COPE: variants seen among roughly 807,000 people sequenced by gnomAD.
COPE encodes coat protein complex I subunit epsilon.
In COPE, 19 loss-of-function variants were observed where a neutral mutation model predicts 42.1. The observed-to-expected ratio is 0.45, with a 90% confidence interval of 0.31 to 0.66. COPE has a LOEUF of 0.66. Among genes scored for constraint, COPE ranks in the 30% least tolerant of loss-of-function variants. COPE has a pLI of 0.05. For synonymous variants in COPE, 195 were observed against 181.3 expected (o/e 1.08, Z -0.60); for missense variants, 402 against 416.1 (o/e 0.97, Z 0.30).
At chr19:18,908,521 C>CTCTT (rs368392329) in intron 3 of COPE, among the ~76,000 whole-genome samples, 103,484 of 146,698 alleles carry the variant, frequency 0.71, 38,106 homozygotes, top group African/African-American at 0.9. Flanking sequence ...CCCCATCTCT[C>CTCTT]TTTTTTTTTT....
rs778116014 is a variant in COPE at position 18,905,612 on chromosome 19, T to C, written c.461A>G (p.Gln154Arg). The C allele has an allele frequency of 6.3e-7, 1 of 1,593,574 alleles. No homozygotes were observed. Among genetic ancestry groups the C allele is most frequent in the Non-Finnish European group, 8.5e-7 (1 of 1,177,680 alleles). The change falls in exon 5 of 10, where the codon CAG becomes CGG. Residue 154 changes from glutamine (Q) to arginine (R), a missense_variant. Physicochemically the swap from Gln to Arg is conservative, Grantham distance 43. Coordinates refer to ENST00000262812, the MANE Select transcript of COPE (RefSeq NM_007263.4). ...DSLECTAMTV[Q>R]ILLKLDRLDL... ...CAGGCGGTCCAGCTTCAGCAGGATC[T>C]GCACTGTCATGGCTGTGCTGCAGGA...
chr19:18,911,397 A>T (rs1279209938), intron 2 of COPE: 1 of 339,588 alleles, frequency 2.9e-6, no homozygotes, highest in Non-Finnish European at 5.7e-6. Flanking sequence ...AGCAGCAGTT[A>T]TGGGGGTTGT....
At chr19:18,909,320 C>T (rs1043694863) in intron 3 of COPE, among the ~76,000 whole-genome samples, 3 of 152,202 alleles carry the variant, frequency 2.0e-5, no homozygotes, top group Non-Finnish European at 2.9e-5. Context: ...AACAGGGATT[C>T]GTTCCTCACA....
intron 1 of COPE, among the ~76,000 whole-genome samples, chr19:18,918,791 A>C (rs558516784): frequency 3.9e-5 from 6 of 152,202 alleles, no homozygotes; most frequent in Non-Finnish European, 8.8e-5. Flanking sequence ...GTGCTCAATG[A>C]AGAATGAATG....
chr19:18,919,042 C>CT (rs1399590507), intron 1 of COPE, among the ~76,000 whole-genome samples, 181 bp downstream of exon 1: 1 of 152,274 alleles, frequency 6.6e-6, no homozygotes, highest in Non-Finnish European at 1.5e-5. Context: ...GTACCGTAAA[C>CT]TGTTACTGCT....
intron 2 of COPE, 55 bp downstream of exon 2, chr19:18,912,929 G>T (rs2056823378): frequency 1.3e-6 from 2 of 1,576,986 alleles, no homozygotes; most frequent in Non-Finnish European, 1.7e-6. Flanking sequence ...CCTGTCCCCA[G>T]CCCCACCCTC....
chr19:18,901,928 C>T (rs1000580467), intron 7 of COPE, among the ~76,000 whole-genome samples: 5 of 152,098 alleles, frequency 3.3e-5, no homozygotes, highest in African/African-American at 4.8e-5. Flanking sequence ...CGCCTGTAAT[C>T]CAGTACTTTG....
At chr19:18,900,505 T>C in intron 7 of COPE, 56 bp from the exon 8 acceptor site, 1 of 1,394,950 alleles carries the variant, frequency 7.2e-7, no homozygotes. Flanking sequence ...CCCCCATGCC[T>C]GCCCGTCACC....
chr19:18,905,451 C>T, intron 5 of COPE, 125 bp downstream of exon 5: 1 of 984,582 alleles, frequency 1.0e-6, no homozygotes, highest in Non-Finnish European at 1.4e-6. Context: ...CAGCAAGCCA[C>T]CCCCATGGAA....
At chr19:18,910,192 C>A (rs914606593) in intron 3 of COPE, among the ~76,000 whole-genome samples, 1 of 152,206 alleles carries the variant, frequency 6.6e-6, no homozygotes, top group Admixed American at 6.5e-5. Flanking sequence ...CCCCTCTCCC[C>A]TTGGCTGCCG....
intron 3 of COPE, among the ~76,000 whole-genome samples, chr19:18,907,718 C>T (rs2056773862): frequency 6.6e-6 from 1 of 152,260 alleles, no homozygotes; most frequent in African/African-American, 2.4e-5. Flanking sequence ...CCAGACCCTC[C>T]ATTCCCCATG....
chr19:18,911,255 C>T lies in COPE; in HGVS notation c.190-184G>A, dbSNP rs144441771. ...CATGGCGTCACCTGTCGTGAGCAGCCAGGTGTGCCCTCATCTGCAGGGCCA... is the reference window on the plus strand; with the variant it reads ...CATGGCGTCACCTGTCGTGAGCAGCTAGGTGTGCCCTCATCTGCAGGGCCA... On this transcript the variant is annotated intron_variant, in intron 2 of 9. Transcript: ENST00000262812. 539 of 607,270 alleles carry T rather than the reference C, an allele frequency of 8.9e-4. 2 individuals carry two copies. The highest frequency in any genetic ancestry group is 7.0e-3 in the Middle Eastern group (26 of 3,692). The allele number at this position is 607,270 out of a possible 1,614,324, so 37.6% of individuals were successfully genotyped here.
Position 18,910,955 on chromosome 19 carries a change from T to C in COPE, c.290+16A>G. 1 of 1,612,454 alleles carries C rather than the reference T, an allele frequency of 6.2e-7. No individual in the cohort carries two copies. Reference sequence around the variant, plus strand: ...TGGCCCCGCGCCTCAGGCCAACCCATTCTCTGGGGCCTCACCTCCGACTCT... The same window carrying C: ...TGGCCCCGCGCCTCAGGCCAACCCACTCTCTGGGGCCTCACCTCCGACTCT... On this transcript the variant is annotated intron_variant, in intron 3 of 9. Transcript: ENST00000262812.
At chr19:18,906,239 G>A (rs978485740) in intron 4 of COPE, 2 of 305,342 alleles carry the variant, frequency 6.6e-6, no homozygotes, top group Non-Finnish European at 1.2e-5. Flanking sequence ...ACCCAGGCTG[G>A]AGTGCAGTGG....
At chr19:18,910,010 C>T (rs968013388) in intron 3 of COPE, among the ~76,000 whole-genome samples, 7 of 152,220 alleles carry the variant, frequency 4.6e-5, no homozygotes, top group African/African-American at 1.7e-4. Flanking sequence ...TGCCTCTGCA[C>T]AGGAGTCAGC....
At chr19:18,917,590 A>T (rs1381171988) in intron 1 of COPE, among the ~76,000 whole-genome samples, 1 of 151,946 alleles carries the variant, frequency 6.6e-6, no homozygotes, top group East Asian at 1.9e-4. Context: ...GCTGGTCTCG[A>T]ACTCCTGACC....
At chr19:18,912,540 T>C (rs1257693421) in intron 2 of COPE, among the ~76,000 whole-genome samples, 1 of 151,598 alleles carries the variant, frequency 6.6e-6, no homozygotes, top group Non-Finnish European at 1.5e-5. Context: ...AGGTGGATCA[T>C]GAAGTCAGGA....
At chr19:18,899,968 C>T (rs1294698277) in intron 8 of COPE, 21 bp from the exon 9 acceptor site, 1 of 1,606,990 alleles carries the variant, frequency 6.2e-7, no homozygotes, top group South Asian at 1.1e-5. Flanking sequence ...GGCAGGGAGG[C>T]AGGTGAGCCG....
At chr19:18,918,194 AAAAAAAAAAG>A (rs1442946326) in intron 1 of COPE, among the ~76,000 whole-genome samples, 3 of 149,168 alleles carry the variant, frequency 2.0e-5, no homozygotes, top group Admixed American at 6.6e-5. Flanking sequence ...TCTCAAAAAA[AAAAAAAAAAG>A]AAAAGAAAAG....
Sources: gnomAD v4.1 joint callset for allele counts (sites outside exome capture counted in the v4.1 genomes callset) on GRCh38, gnomAD v4.1.1 for gene constraint, MANE v1.5 for transcripts, NCBI Gene and HGNC (gene_info 2026-07-23, HGNC 2026-07-21) for gene names.